Variants in EME2 observed in about 807,000 individuals in gnomAD.
EME2 encodes the protein essential meiotic structure-specific endonuclease subunit 2, also known as structure-specific endonuclease subunit EME2.
A neutral mutation model predicts 41.9 loss-of-function variants in EME2; 58 were observed. The observed-to-expected ratio is 1.38, with a 90% CI of 1.12 to 1.72. The LOEUF (loss-of-function observed/expected upper bound fraction) is 1.72. Ranked by LOEUF, EME2 falls within the 40% of genes most tolerant of loss-of-function variation. EME2 has a pLI of 0.00. For synonymous variants in EME2, 334 were observed against 239.3 expected, an observed-to-expected ratio of 1.40 and a Z score of -3.65; for missense variants, 695 against 541.9, an observed-to-expected ratio of 1.28 and a Z score of -2.81.
In EME2 at chr16:1,776,250, A is replaced by G; in HGVS notation, c.*12A>G. 1 of 1,611,698 alleles carries G rather than the reference A, an allele frequency of 6.2e-7. No individual in the cohort carries two copies. The highest frequency in any genetic ancestry group is 8.5e-7 in the Non-Finnish European group (1 of 1,179,492). On this transcript the variant is annotated 3_prime_UTR_variant, in exon 8 of 8. Transcript: ENST00000568449. ...ACCTGGGCTCCTGACCACACGTGGG[A>G]CCACCAGGACAGCATGCAGCCTTGG...
chr16:1,775,472 G>A (rs1184864465), intron 5 of EME2, 64 bp downstream of exon 5: 1 of 1,599,484 alleles, frequency 6.3e-7, no homozygotes, highest in Non-Finnish European at 8.6e-7. Context: ...GCTGCTGGCT[G>A]GGTTTGGTTC....
rs370687457 is a variant in EME2, at chr16:1,775,147, C to T, written c.569+15C>T. The T allele has an allele frequency of 1.9e-6, 3 of 1,611,524 alleles. No homozygotes were observed. Among genetic ancestry groups the T allele is most frequent in the Non-Finnish European group, 2.5e-6 (3 of 1,179,322 alleles). On this transcript the variant is annotated intron_variant, in intron 4 of 7. Transcript: ENST00000568449. ...GCCTACCTGTGGTACCGCTCACTCT[C>T]ATGCCCACAGCAGGGCTGGCTGGGA...
rs1322995443 is a variant in EME2 at position 1,773,445 on chromosome 16, T to C, written c.218T>C (p.Leu73Pro). Reference protein sequence around the residue: ...ALRLLRPEQVLKRLAVCVDTA... With the variant: ...ALRLLRPEQVPKRLAVCVDTA... Reference sequence around the variant, plus strand: ...CGGCTGCTGCGGCCGGAGCAGGTCCTGAAGCGCCTCGCGGTGTGCGTGGAC... The same window carrying C: ...CGGCTGCTGCGGCCGGAGCAGGTCCCGAAGCGCCTCGCGGTGTGCGTGGAC... Residue 73 changes from leucine to proline, a missense_variant, in exon 1 of 8, where the codon CTG becomes CCG. Transcript: ENST00000568449. The C allele has an allele frequency of 1.4e-5, 22 of 1,573,588 alleles. No homozygotes were observed. Among genetic ancestry groups the C allele is most frequent in the Non-Finnish European group, 1.9e-5 (22 of 1,169,266 alleles).
Position 1,776,267 on chromosome 16 carries a change from C to G in EME2, c.*29C>G. ...CACGTGGGACCACCAGGACAGCATGCAGCCTTGGGGACAGACCAGACACCC... is the reference window on the plus strand; with the variant it reads ...CACGTGGGACCACCAGGACAGCATGGAGCCTTGGGGACAGACCAGACACCC... On this transcript the variant is annotated 3_prime_UTR_variant, in exon 8 of 8. Transcript: ENST00000568449. 1 of 1,608,980 alleles carries G rather than the reference C, an allele frequency of 6.2e-7. No homozygotes were observed. The highest frequency in any genetic ancestry group is 8.5e-7 in the Non-Finnish European group (1 of 1,177,652).
Position 1,777,579 on chromosome 16 carries a change from C to A in EME2, c.*1341C>A. Reference sequence around the variant, plus strand: ...AGGCAAGGCAGGGTGCACGCGCTGGCCCTGCCACTCCAGCCTGGCCTCACT... The same window carrying A: ...AGGCAAGGCAGGGTGCACGCGCTGGACCTGCCACTCCAGCCTGGCCTCACT... On this transcript the variant is annotated 3_prime_UTR_variant, in exon 8 of 8. Transcript: ENST00000568449. The A allele has an allele frequency of 1.5e-6, 2 of 1,353,492 alleles. No individual in the cohort carries two copies. The highest frequency in any genetic ancestry group is 4.9e-5 in the Admixed American group (2 of 40,652). The allele number at this position is 1,353,492 out of a possible 1,614,324, so 83.8% of individuals were successfully genotyped here.
rs1165015989 is a variant in EME2, at chr16:1,775,877, C to T, written c.860C>T (p.Ala287Val). The T allele has an allele frequency of 6.2e-7, 1 of 1,612,574 alleles. No homozygotes were observed. The highest frequency in any genetic ancestry group is 1.1e-5 in the South Asian group (1 of 91,074). ...GGCGAGCCAGTGGCAAGAGACGGCG[C>T]AGGGCTGCAGGCGGCCTGGCGGAGG... Reference protein sequence around the residue: ...AAGEPVARDGAGLQAAWRRQI... With the variant: ...AAGEPVARDGVGLQAAWRRQI... Residue 287 changes from alanine (A) to valine (V), a missense_variant, in exon 7 of 8, where the codon GCA (alanine) becomes GTA (valine). By Grantham distance (64) the Ala-to-Val change is moderately conservative (BLOSUM62 0). Transcript: ENST00000568449.
intron 2 of EME2, 50 bp downstream of exon 2, chr16:1,773,891 T>A (rs1462287407): frequency 6.7e-7 from 1 of 1,497,600 alleles, no homozygotes; most frequent in South Asian, 1.3e-5. Flanking sequence ...GCTGTTTTGC[T>A]TCCATGATTT....
rs1478078645 is a variant in EME2, at chr16:1,778,946, T to C, written c.*2708T>C. On this transcript the variant is annotated 3_prime_UTR_variant, in exon 8 of 8. Transcript: ENST00000568449. ...GAGATGGTGTGGACACCTTCCCTGC[T>C]AGGCCAGCCCTGCAGGGGCCCCCAG... 2 of 229,358 alleles carry C rather than the reference T, an allele frequency of 8.7e-6. No individual in the cohort carries two copies. Among genetic ancestry groups the C allele is most frequent in the East Asian group, 8.9e-5 (1 of 11,174 alleles). 14.2% of individuals were successfully genotyped at this position (229,358 alleles called of 1,614,324 possible).
intron 2 of EME2, 44 bp from the exon 3 acceptor site, chr16:1,774,216 C>A: frequency 6.3e-7 from 1 of 1,578,532 alleles, no homozygotes; most frequent in Non-Finnish European, 8.7e-7. Flanking sequence ...CCCTGGGGCA[C>A]CCGGGGTTGA....
At chr16:1,775,289 G>C in intron 4 of EME2, 26 bp from the exon 5 acceptor site, 1 of 1,608,042 alleles carries the variant, frequency 6.2e-7, no homozygotes, top group Non-Finnish European at 8.5e-7. Flanking sequence ...CATGGGGAGC[G>C]GGGAGGAATG....
Position 1,779,664 on chromosome 16 carries a change from C to T in EME2, c.*3426C>T, listed in dbSNP as rs983010873. ...AGGAGCCCGGGCACAGAACTGAGCA[C>T]CTGCACTGCAGGCCCAGGGCCGGGT... is the stretch of plus-strand genomic sequence containing the variant. On this transcript the variant is annotated 3_prime_UTR_variant, in exon 8 of 8. Transcript: ENST00000568449. The T allele has an allele frequency of 5.2e-5, 8 of 152,438 alleles. No individual in the cohort carries two copies. The highest frequency in any genetic ancestry group is 1.9e-4 in the African/African-American group (8 of 41,462). 9.4% of individuals were successfully genotyped at this position (152,438 alleles called of 1,614,324 possible).
rs1175094853 is a variant in EME2, at chr16:1,776,735, A to G, written c.*497A>G. 6.6e-5 allele frequency: 23 copies of G among 350,650 alleles called. No homozygotes were observed. In the Admixed American group the frequency reaches 9.9e-4, roughly 15 times the overall value. 21.7% of individuals were successfully genotyped at this position (350,650 alleles called of 1,614,324 possible). ...TGTGGGTGTTAGACATCAACTCTACATTTATTGCAGTCCTTTAAGTCTATG... is the reference window on the plus strand; with the variant it reads ...TGTGGGTGTTAGACATCAACTCTACGTTTATTGCAGTCCTTTAAGTCTATG... On this transcript the variant is annotated 3_prime_UTR_variant, in exon 8 of 8. Coordinates refer to ENST00000568449, the MANE Select transcript of EME2 (RefSeq NM_001257370.2).
chr16:1,774,434 G>T (rs1012007913), intron 3 of EME2, 82 bp downstream of exon 3: 2 of 1,180,226 alleles, frequency 1.7e-6, no homozygotes, highest in South Asian at 1.2e-5. Flanking sequence ...GCCGGTCCCT[G>T]CCCCTGTAGA....
chr16:1,773,345 G>T lies in EME2; in HGVS notation c.118G>T (p.Asp40Tyr), dbSNP rs1367365607. The change falls in exon 1 of 8, where the codon GAC (aspartate) becomes TAC (tyrosine). Residue 40 changes from aspartate to tyrosine, a missense_variant. Physicochemically the swap from Asp to Tyr is radical, Grantham distance 160. Coordinates refer to ENST00000568449, the MANE Select transcript of EME2 (RefSeq NM_001257370.2). ...TWEISDSDAE[D>Y]SAGSEAAARA... ...GGAGATCTCAGACTCCGACGCTGAGGACTCCGCCGGCTCGGAGGCCGCCGC... is the reference window on the plus strand; with the variant it reads ...GGAGATCTCAGACTCCGACGCTGAGTACTCCGCCGGCTCGGAGGCCGCCGC... The T allele has an allele frequency of 6.6e-7, 1 of 1,520,146 alleles. No individual in the cohort carries two copies. The allele number at this position is 1,520,146 out of a possible 1,614,324, so 94.2% of individuals were successfully genotyped here.
Position 1,773,447 on chromosome 16 carries a change from A to T in EME2, c.220A>T (p.Lys74Ter). 1 of 1,574,252 alleles carries T rather than the reference A, an allele frequency of 6.4e-7. No individual in the cohort carries two copies. The highest frequency in any genetic ancestry group is 8.6e-7 in the Non-Finnish European group (1 of 1,169,506). ...LRLLRPEQVL[K>*]RLAVCVDTAI... ...GCTGCTGCGGCCGGAGCAGGTCCTG[A>T]AGCGCCTCGCGGTGTGCGTGGACAC... Residue 74 changes from lysine (K) to a stop codon, truncating the protein, a stop_gained, in exon 1 of 8, where the codon AAG becomes TAG. Transcript: ENST00000568449. LOFTEE classifies it high-confidence loss of function.
At position 1,777,611 on chromosome 16, in the gene EME2, CCCCCTGGG is replaced by C. The variant is rs1007715777; in HGVS notation, c.*1374_*1381del. 1.4e-6 allele frequency: 2 copies of C among 1,443,262 alleles called. No individual in the cohort carries two copies. The highest frequency in any genetic ancestry group is 1.9e-6 in the Non-Finnish European group (2 of 1,074,834). 89.4% of individuals were successfully genotyped at this position (1,443,262 alleles called of 1,614,324 possible). Reference sequence around the variant, plus strand: ...ACTCCAGCCTGGCCTCACTGTCCCACCCCCTGGGACCCTGGGGCCTCAGGCTTCTGGGA... The same window carrying C: ...ACTCCAGCCTGGCCTCACTGTCCCACACCCTGGGGCCTCAGGCTTCTGGGA... On this transcript the variant is annotated 3_prime_UTR_variant, in exon 8 of 8. Coordinates refer to ENST00000568449, the MANE Select transcript of EME2 (RefSeq NM_001257370.2).
chr16:1,777,151 G>C lies in EME2; in HGVS notation c.*913G>C. 1 of 1,611,488 alleles carries C rather than the reference G, an allele frequency of 6.2e-7. No homozygotes were observed. The highest frequency in any genetic ancestry group is 1.3e-5 in the African/African-American group (1 of 75,068). On this transcript the variant is annotated 3_prime_UTR_variant, in exon 8 of 8. Transcript: ENST00000568449. ...AGGGCCGAGGCTCGCGACTGCTGGG[G>C]TGGGCGGAGGTCGCTGCCTGGGGAT... is the stretch of plus-strand genomic sequence containing the variant.
rs1416116979 is a variant in EME2 at position 1,772,829 on chromosome 16, G to A, written c.-399G>A. ...CCGTGTAGTCGGGCCGCACCCGCGT[G>A]AGGCGCCAGTAGCACGGCTCGTCGT... On this transcript the variant is annotated 5_prime_UTR_variant, in exon 1 of 8. Transcript: ENST00000568449. 2.1e-6 allele frequency: 3 copies of A among 1,445,282 alleles called. No individual in the cohort carries two copies. The highest frequency in any genetic ancestry group is 2.9e-5 in the South Asian group (2 of 69,670). The allele number at this position is 1,445,282 out of a possible 1,614,324, so 89.5% of individuals were successfully genotyped here. A position where few individuals can be genotyped will look rare whatever the true frequency, so the allele number is the denominator to read the frequency against.
intron 1 of EME2, 113 bp downstream of exon 1, chr16:1,773,587 C>A (rs556633939): frequency 1.3e-6 from 2 of 1,519,970 alleles, no homozygotes; most frequent in Non-Finnish European, 1.8e-6. Context: ...GGGCCGGGCC[C>A]GCCTCCCAGT....
Sources: gnomAD v4.1 joint callset for allele counts on GRCh38, gnomAD v4.1.1 for gene constraint, MANE v1.5 for transcripts, NCBI Gene and HGNC (gene_info 2026-07-23, HGNC 2026-07-21) for gene names.